PCDHGA5: variants seen among roughly 807,000 people sequenced by gnomAD.
PCDHGA5 encodes protocadherin gamma-A5.
A neutral mutation model predicts 56.7 loss-of-function variants in PCDHGA5; 36 were observed. The observed-to-expected ratio is 0.64, with a 90% CI of 0.49 to 0.84. The LOEUF (loss-of-function observed/expected upper bound fraction) is 0.84. Among genes scored for constraint, PCDHGA5 ranks in the 40% least tolerant of loss-of-function variants. PCDHGA5 has a pLI of 0.00. For synonymous variants in PCDHGA5, 563 were observed against 520.2 expected (o/e 1.08, Z -1.12); for missense variants, 1,305 against 1,201.5 (o/e 1.09, Z -1.27).
chr5:141,366,885 T>TA (rs1382759169), intron 1 of PCDHGA5, 134 bp downstream of exon 1: 4 of 1,309,886 alleles, frequency 3.1e-6, no homozygotes, highest in Admixed American at 2.5e-5. Flanking sequence ...TTAATTTTTT[T>TA]TATATAATTC....
rs148558897 is a variant in PCDHGA5, at chr5:141,489,890, G to A, written c.2422-4917G>A. On this transcript the variant is annotated intron_variant, in intron 1 of 3. Coordinates refer to ENST00000518069, the MANE Select transcript of PCDHGA5 (RefSeq NM_018918.3). The surrounding 1 kb of genome is among the most constrained non-coding windows in gnomAD (Gnocchi z 4.5). Reference sequence around the variant, plus strand: ...CAGCTGGTGCTTACTGCTGTGGATGGGGGGACCCCAGCCCGCTCAGGGACC... The same window carrying A: ...CAGCTGGTGCTTACTGCTGTGGATGAGGGGACCCCAGCCCGCTCAGGGACC... 6.2e-7 allele frequency: 1 copy of A among 1,614,198 alleles called. No homozygotes were observed. The highest frequency in any genetic ancestry group is 8.5e-7 in the Non-Finnish European group (1 of 1,180,028).
chr5:141,486,163 G>A lies in PCDHGA5; in HGVS notation c.2422-8644G>A. 2.5e-6 allele frequency: 4 copies of A among 1,614,212 alleles called. No individual in the cohort carries two copies. Among genetic ancestry groups the A allele is most frequent in the Non-Finnish European group, 3.4e-6 (4 of 1,180,034 alleles). The stretch of plus-strand genomic sequence containing the variant: ...CTCGCGATGGGGGTTCTCCAGCCAT[G>A]GAGCAACATTGCAGCCTTCGAGTGG... On this transcript the variant is annotated intron_variant, in intron 1 of 3. Transcript: ENST00000518069. This position sits in a 1 kb window ranked among gnomAD's most constrained non-coding sequence, Gnocchi z 5.0.
At chr5:141,484,950 T>G in intron 1 of PCDHGA5, 1 of 561,950 alleles carries the variant, frequency 1.8e-6, no homozygotes, top group Non-Finnish European at 3.2e-6. Context: ...GCTCAGCCTA[T>G]TGGCTGAGCC....
chr5:141,394,202 G>A (rs1285720796), intron 1 of PCDHGA5: 2 of 1,613,832 alleles, frequency 1.2e-6, no homozygotes, highest in Non-Finnish European at 1.7e-6. Context: ...ATATCCTAGA[G>A]AACAACCTGA....
At chr5:141,415,284 G>A (rs186109113) in intron 1 of PCDHGA5, 27 of 1,614,198 alleles carry the variant, frequency 1.7e-5, no homozygotes, top group Non-Finnish European at 2.3e-5. Context: ...CGGTGGCCGC[G>A]GTCTCCTGCG....
Position 141,476,383 on chromosome 5 carries a change from C to G in PCDHGA5, c.2422-18424C>G, listed in dbSNP as rs547854431. ...GGGAGACCGGAGAGATGTTTGTGAACGACCGTCTGGATCGAGAGGAGCTGT... is the reference window on the plus strand; with the variant it reads ...GGGAGACCGGAGAGATGTTTGTGAAGGACCGTCTGGATCGAGAGGAGCTGT... On this transcript the variant is annotated intron_variant, in intron 1 of 3. Transcript: ENST00000518069. The surrounding 1 kb of genome is among the most constrained non-coding windows in gnomAD (Gnocchi z 7.6). 1.2e-6 allele frequency: 2 copies of G among 1,614,102 alleles called. No homozygotes were observed. Among genetic ancestry groups the G allele is most frequent in the Middle Eastern group, 3.3e-4 (2 of 6,062 alleles).
chr5:141,477,878 C>T lies in PCDHGA5; in HGVS notation c.2422-16929C>T. On this transcript the variant is annotated intron_variant, in intron 1 of 3. Coordinates refer to ENST00000518069, the MANE Select transcript of PCDHGA5 (RefSeq NM_018918.3). The surrounding 1 kb of genome is among the most constrained non-coding windows in gnomAD (Gnocchi z 4.9). ...GCTGCCTCGAGGTACCTCAGCTGGC[C>T]ACCTAGTGTCACGGGTGGTAGGCTG... 2.5e-6 allele frequency: 4 copies of T among 1,614,158 alleles called. No individual in the cohort carries two copies. Among genetic ancestry groups the T allele is most frequent in the Non-Finnish European group, 3.4e-6 (4 of 1,180,008 alleles).
At chr5:141,423,384 C>T in intron 1 of PCDHGA5, 1 of 1,614,172 alleles carries the variant, frequency 6.2e-7, no homozygotes. Flanking sequence ...GGCTGTGGCG[C>T]TGGCATAAGT....
chr5:141,392,855 C>T (rs756361613), intron 1 of PCDHGA5: 1 of 1,612,176 alleles, frequency 6.2e-7, no homozygotes, highest in Non-Finnish European at 8.5e-7. Flanking sequence ...GCGAGCTGAT[C>T]CTGCTGTGCG....
chr5:141,444,467 G>A (rs1288596542), intron 1 of PCDHGA5, among the ~76,000 whole-genome samples: 3 of 151,998 alleles, frequency 2.0e-5, no homozygotes, highest in African/African-American at 4.8e-5. Flanking sequence ...CACTGCGCCC[G>A]GTCGCGTACT....
intron 1 of PCDHGA5, among the ~76,000 whole-genome samples, chr5:141,472,266 G>A (rs931951683): frequency 2.0e-5 from 3 of 152,198 alleles, no homozygotes. Flanking sequence ...TTATAGCCGG[G>A]CACAGTGGCT....
intron 1 of PCDHGA5, chr5:141,418,245 A>G: frequency 5.6e-6 from 9 of 1,614,046 alleles, no homozygotes; most frequent in Non-Finnish European, 7.6e-6. Flanking sequence ...GTTAATGACC[A>G]CGCCCCTCAA....
intron 1 of PCDHGA5, chr5:141,421,364 T>C (rs975166167): frequency 3.7e-6 from 6 of 1,613,994 alleles, no homozygotes; most frequent in African/African-American, 1.3e-5. Context: ...GGCTCCTTCG[T>C]GGGCAATATC....
chr5:141,393,815 C>T (rs2092850609), intron 1 of PCDHGA5: 1 of 1,613,922 alleles, frequency 6.2e-7, no homozygotes, highest in Non-Finnish European at 8.5e-7. Context: ...CCAAATTGCT[C>T]ATTTCGGTGG....
intron 1 of PCDHGA5, chr5:141,409,468 C>T (rs1256188577): frequency 1.9e-6 from 3 of 1,613,948 alleles, no homozygotes; most frequent in Admixed American, 1.7e-5. Flanking sequence ...ATGTCACCAT[C>T]GTAGCCACTG....
Position 141,489,316 on chromosome 5 carries a change from T to C in PCDHGA5, c.2422-5491T>C, listed in dbSNP as rs2099685399. On this transcript the variant is annotated intron_variant, in intron 1 of 3. Transcript: ENST00000518069. This position sits in a 1 kb window ranked among gnomAD's most constrained non-coding sequence, Gnocchi z 4.5. The stretch of plus-strand genomic sequence containing the variant: ...CATGTTGTCCTTGTGCTGCTGGGGC[T>C]GGGTGTCTGGGCAGCTTCGTTACTC... The C allele has an allele frequency of 1.3e-6, 2 of 1,597,946 alleles. No individual in the cohort carries two copies. Among genetic ancestry groups the C allele is most frequent in the Admixed American group, 1.7e-5 (1 of 58,864 alleles).
chr5:141,436,063 A>G (rs1406994228), intron 1 of PCDHGA5, among the ~76,000 whole-genome samples: 1 of 152,230 alleles, frequency 6.6e-6, no homozygotes, highest in Non-Finnish European at 1.5e-5. Flanking sequence ...ATAGAATTTA[A>G]TAAGTACAGT....
intron 1 of PCDHGA5, chr5:141,370,231 G>C: frequency 1.7e-6 from 1 of 591,382 alleles, no homozygotes; most frequent in South Asian, 3.3e-5. Context: ...CAGCCAGCTC[G>C]GAAGAAAAGT....
intron 1 of PCDHGA5, among the ~76,000 whole-genome samples, chr5:141,445,609 T>A (rs900534761): frequency 1.3e-5 from 2 of 152,220 alleles, no homozygotes; most frequent in African/African-American, 4.8e-5. Flanking sequence ...CAAGGAAGGC[T>A]TTCTTTTTTT....
Sources: allele counts gnomAD v4.1 joint callset (sites outside exome capture counted in the v4.1 genomes callset), GRCh38; gene constraint gnomAD v4.1.1; non-coding constraint Gnocchi (gnomAD v3.1); transcripts MANE v1.5; gene names NCBI Gene and HGNC (gene_info 2026-07-23, HGNC 2026-07-21).